The following GALNT13 variants were observed in gnomAD, a reference collection of about 807,000 sequenced individuals.
GALNT13 encodes UDP-GalNAc:polypeptide N-acetylgalactosaminyltransferase 13.
GALNT13 carries 28 observed loss-of-function variants against 64.2 expected under a neutral mutation model. That is an observed-to-expected ratio of 0.44 (90% CI 0.32 to 0.60). GALNT13 has a LOEUF of 0.60. Ranked by LOEUF, GALNT13 falls within the 20% of genes least tolerant of loss-of-function variation. The probability of loss-of-function intolerance (pLI) is 0.05; values close to 1 mark genes in which losing one functional copy is unlikely to be tolerated. For synonymous variants in GALNT13, 214 were observed against 224.6 expected, an observed-to-expected ratio of 0.95 and a Z score of 0.42; for missense variants, 577 against 669.8, an observed-to-expected ratio of 0.86 and a Z score of 1.53.
chr2:153,765,869 A>G, the GALNT13 span, among the ~76,000 whole-genome samples: 1 of 152,242 alleles, frequency 6.6e-6, no homozygotes, highest in Non-Finnish European at 1.5e-5. Flanking sequence ...TGGTTTTATA[A>G]ATGGGAGTCC....
At chr2:154,308,463 T>G (rs926342291) in intron 9 of GALNT13, among the ~76,000 whole-genome samples, 7 of 152,180 alleles carry the variant, frequency 4.6e-5, no homozygotes, top group African/African-American at 1.7e-4. Context: ...TAACCAGCTC[T>G]TTGAATGTGG....
the GALNT13 span, among the ~76,000 whole-genome samples, chr2:153,392,449 A>G: frequency 6.6e-6 from 1 of 152,100 alleles, no homozygotes; most frequent in Non-Finnish European, 1.5e-5. Flanking sequence ...AAGCAGAGTA[A>G]TCTCCTTAGT....
At chr2:153,350,893 G>GA in the GALNT13 span, among the ~76,000 whole-genome samples, 1 of 152,046 alleles carries the variant, frequency 6.6e-6, no homozygotes, top group East Asian at 1.9e-4. Flanking sequence ...AGCAGAACGA[G>GA]AAAAAACTCT....
chr2:154,407,944 A>T (rs1699626759), intron 10 of GALNT13, among the ~76,000 whole-genome samples: 1 of 152,126 alleles, frequency 6.6e-6, no homozygotes, highest in African/African-American at 2.4e-5. Flanking sequence ...TTTATGTAGT[A>T]AGTTTCCTGT....
At chr2:153,149,896 A>G in the GALNT13 span, among the ~76,000 whole-genome samples, 1 of 151,890 alleles carries the variant, frequency 6.6e-6, no homozygotes, top group African/African-American at 2.4e-5. Flanking sequence ...TAAGAGGAAC[A>G]TTTATTTTAA....
chr2:153,808,642 G>T, the GALNT13 span, among the ~76,000 whole-genome samples: 5 of 152,026 alleles, frequency 3.3e-5, no homozygotes, highest in Admixed American at 6.6e-5. Context: ...ACCCTACTCT[G>T]ACCACTACAT....
At chr2:153,766,477 T>C in the GALNT13 span, among the ~76,000 whole-genome samples, 17 of 152,286 alleles carry the variant, frequency 1.1e-4, no homozygotes, top group South Asian at 3.5e-3. Context: ...ATCTTCTCCT[T>C]CTTAAAATCC....
At chr2:153,285,181 A>T in the GALNT13 span, among the ~76,000 whole-genome samples, 3 of 152,086 alleles carry the variant, frequency 2.0e-5, no homozygotes, top group African/African-American at 7.2e-5. Flanking sequence ...GACACTTATA[A>T]AACCATCAGA....
chr2:153,209,031 T>C, the GALNT13 span, among the ~76,000 whole-genome samples: 1 of 131,952 alleles, frequency 7.6e-6, no homozygotes, highest in Non-Finnish European at 1.6e-5. Flanking sequence ...CAGGCTGGAG[T>C]GCAGTGGCAC....
chr2:153,995,294 ACT>A (rs1395741072), intron 3 of GALNT13, among the ~76,000 whole-genome samples: 3 of 152,036 alleles, frequency 2.0e-5, no homozygotes, highest in Non-Finnish European at 4.4e-5. Context: ...ATAAAATTGA[ACT>A]CTCAGTTCAT....
chr2:153,186,097 C>G, the GALNT13 span, among the ~76,000 whole-genome samples: 1 of 151,914 alleles, frequency 6.6e-6, no homozygotes, highest in Admixed American at 6.6e-5. Context: ...GAGTCTGAGT[C>G]TCTTTGTAGG....
At chr2:153,223,221 A>C in the GALNT13 span, among the ~76,000 whole-genome samples, 5 of 152,268 alleles carry the variant, frequency 3.3e-5, no homozygotes, top group Non-Finnish European at 4.4e-5. Context: ...AGACATATCC[A>C]CTACTATAGT....
chr2:153,644,828 G>C, the GALNT13 span, among the ~76,000 whole-genome samples: 1 of 152,010 alleles, frequency 6.6e-6, no homozygotes, highest in Non-Finnish European at 1.5e-5. Flanking sequence ...GGACCTATTT[G>C]TCACCATTAA....
chr2:153,509,840 A>C, the GALNT13 span, among the ~76,000 whole-genome samples: 1 of 152,232 alleles, frequency 6.6e-6, no homozygotes, highest in Non-Finnish European at 1.5e-5. Flanking sequence ...AAGTTTTTCA[A>C]GAAGCCTAGT....
chr2:153,555,268 C>G, the GALNT13 span, among the ~76,000 whole-genome samples: 1 of 100,524 alleles, frequency 9.9e-6, no homozygotes, highest in Non-Finnish European at 2.0e-5. Context: ...GATCTCGGCT[C>G]ACTGCAAGCT....
the GALNT13 span, among the ~76,000 whole-genome samples, chr2:153,687,736 A>G: frequency 6.6e-6 from 1 of 151,954 alleles, no homozygotes; most frequent in South Asian, 2.1e-4. Flanking sequence ...CACCAATCCT[A>G]TCAAAAGGAA....
the GALNT13 span, among the ~76,000 whole-genome samples, chr2:153,346,290 C>A: frequency 6.6e-6 from 1 of 152,266 alleles, no homozygotes; most frequent in Admixed American, 6.5e-5. Context: ...CTATAGCCTT[C>A]TTTTTCTTTA....
At chr2:154,312,559 G>A (rs114104171) in intron 9 of GALNT13, among the ~76,000 whole-genome samples, 3,174 of 152,258 alleles carry the variant, frequency 0.021, 88 homozygotes, top group African/African-American at 0.065. Flanking sequence ...GTTATTACAT[G>A]TGTGTGGTAA....
chr2:153,999,071 A>G (rs944099501), intron 3 of GALNT13, among the ~76,000 whole-genome samples: 1 of 152,114 alleles, frequency 6.6e-6, no homozygotes, highest in African/African-American at 2.4e-5. Context: ...TGTGGCACCA[A>G]AAAAGAGCCC....
Sources: gnomAD v4.1 joint callset for allele counts (sites outside exome capture counted in the v4.1 genomes callset) on GRCh38, gnomAD v4.1.1 for gene constraint, MANE v1.5 for transcripts, NCBI Gene and HGNC (gene_info 2026-07-23, HGNC 2026-07-21) for gene names.